The following ERICH3 variants were observed in gnomAD, a reference collection of about 807,000 sequenced individuals.
The protein encoded by ERICH3 is glutamate-rich protein 3.
ERICH3 carries 126 observed loss-of-function variants against 131.1 expected under a neutral mutation model. That is an observed-to-expected ratio of 0.96 (90% confidence interval 0.83 to 1.11). ERICH3 has a LOEUF of 1.11. Among genes scored for constraint, ERICH3 ranks in the 50% most tolerant of loss-of-function variants. The pLI is 0.00. For synonymous variants in ERICH3, 695 were observed against 644.6 expected, an observed-to-expected ratio of 1.08 and a Z score of -1.18; for missense variants, 2,050 against 1,810.7, an observed-to-expected ratio of 1.13 and a Z score of -2.40.
At chr1:74,626,964 C>A (rs1460491600) in intron 7 of ERICH3, among the ~76,000 whole-genome samples, 2 of 152,116 alleles carry the variant, frequency 1.3e-5, no homozygotes, top group East Asian at 3.8e-4. Flanking sequence ...TTTACTCTTT[C>A]TTTCCTTTTT....
chr1:74,610,570 A>T (rs1339875495), intron 9 of ERICH3, among the ~76,000 whole-genome samples: 1 of 151,544 alleles, frequency 6.6e-6, no homozygotes, highest in Admixed American at 6.6e-5. Flanking sequence ...AAAGTATTCA[A>T]TCGTTTGTAT....
intron 13 of ERICH3, among the ~76,000 whole-genome samples, chr1:74,574,779 T>A (rs1468064291): frequency 6.6e-6 from 1 of 152,212 alleles, no homozygotes; most frequent in African/African-American, 2.4e-5. Flanking sequence ...TATATATATG[T>A]TGCAAGTAAA....
chr1:74,612,559 T>A, intron 9 of ERICH3, 64 bp downstream of exon 9: 1 of 1,360,772 alleles, frequency 7.3e-7, no homozygotes, highest in Non-Finnish European at 1.0e-6. Flanking sequence ...AATGCATTAG[T>A]AAAGGCATTC....
Position 74,571,310 on chromosome 1 carries a change from T to C in ERICH3, c.4400A>G (p.Glu1467Gly). The change falls in exon 14 of 15, where the codon GAG becomes GGG. Residue 1467 changes from glutamate (E) to glycine (G), a missense_variant. Coordinates refer to ENST00000326665, the MANE Select transcript of ERICH3 (RefSeq NM_001002912.5). ...TCGGAATTTTTCAGCTGCTCCTGTC[T>C]CCTGCCTCCCATCGCCACTCCCAGT... is the stretch of plus-strand genomic sequence containing the variant. ...AATGSGDGRQETGAAEKFRLG... is the reference protein window; with the variant it reads ...AATGSGDGRQGTGAAEKFRLG... The C allele has an allele frequency of 6.2e-7, 1 of 1,614,080 alleles. No homozygotes were observed.
chr1:74,573,357 C>G lies in ERICH3; in HGVS notation c.2353G>C (p.Asp785His), dbSNP rs141664946. The G allele has an allele frequency of 6.2e-7, 1 of 1,611,718 alleles. No homozygotes were observed. The highest frequency in any genetic ancestry group is 8.5e-7 in the Non-Finnish European group (1 of 1,179,212). Residue 785 changes from aspartate to histidine, a missense_variant, in exon 14 of 15, where the codon GAT becomes CAT. Transcript: ENST00000326665. ...MEEDEAPQHR[D>H]ADIVQGKGEA... Reference sequence around the variant, plus strand: ...CCTTTTCCCTGTACTATGTCAGCATCTCTGTGCTGGGGCGCTTCATCTTCC... The same window carrying G: ...CCTTTTCCCTGTACTATGTCAGCATGTCTGTGCTGGGGCGCTTCATCTTCC...
intron 13 of ERICH3, among the ~76,000 whole-genome samples, chr1:74,574,641 T>A (rs1647018774): frequency 6.6e-6 from 1 of 152,180 alleles, no homozygotes; most frequent in South Asian, 2.1e-4. Flanking sequence ...CTTCTTAGAG[T>A]ACAAGTGTTC....
intron 12 of ERICH3, among the ~76,000 whole-genome samples, chr1:74,577,956 G>A (rs369049063): frequency 3.3e-5 from 5 of 152,154 alleles, no homozygotes; most frequent in African/African-American, 1.2e-4. Flanking sequence ...TTCACTCCAT[G>A]GGGACAGAAG....
chr1:74,654,226 T>C (rs1646562848), intron 1 of ERICH3, among the ~76,000 whole-genome samples: 1 of 152,128 alleles, frequency 6.6e-6, no homozygotes, highest in African/African-American at 2.4e-5. Context: ...AGGCTTTTTC[T>C]AGCATGCACC....
intron 9 of ERICH3, among the ~76,000 whole-genome samples, chr1:74,608,117 T>C (rs575927935): frequency 6.6e-6 from 1 of 152,094 alleles, no homozygotes; most frequent in African/African-American, 2.4e-5. Flanking sequence ...TATTAGTCTA[T>C]TACAGGTGTA....
chr1:74,608,889 G>T (rs898214569), intron 9 of ERICH3, among the ~76,000 whole-genome samples: 1 of 152,124 alleles, frequency 6.6e-6, no homozygotes, highest in African/African-American at 2.4e-5. Context: ...TTGATTTGGA[G>T]CCTCTGATAT....
At chr1:74,643,161 G>T (rs1646451425) in intron 3 of ERICH3, 63 bp from the exon 4 acceptor site, 1 of 1,273,836 alleles carries the variant, frequency 7.9e-7, no homozygotes, top group Non-Finnish European at 1.1e-6. Context: ...CCAGTTTAGA[G>T]GAAAATAATT....
chr1:74,617,419 T>G (rs1372472928), intron 8 of ERICH3, among the ~76,000 whole-genome samples: 4 of 152,206 alleles, frequency 2.6e-5, no homozygotes, highest in African/African-American at 9.6e-5. Flanking sequence ...TTTATGTTCA[T>G]AGTCCCAAAC....
rs973660237 is a variant in ERICH3 at position 74,673,726 on chromosome 1, C to A, written c.-207G>T. 2 of 435,800 alleles carry A rather than the reference C, an allele frequency of 4.6e-6. No homozygotes were observed. The highest frequency in any genetic ancestry group is 2.1e-5 in the African/African-American group (1 of 48,026). The allele number at this position is 435,800 out of a possible 1,614,324, so 27.0% of individuals were successfully genotyped here. On this transcript the variant is annotated 5_prime_UTR_variant, in exon 1 of 15. Coordinates refer to ENST00000326665, the MANE Select transcript of ERICH3 (RefSeq NM_001002912.5). ...GGCTCCCACCCTCCGTTGGTATCCA[C>A]AGCTTCCCTGTTGCTAAGGGAGGAG...
intron 5 of ERICH3, among the ~76,000 whole-genome samples, chr1:74,640,253 G>A (rs1420495352): frequency 6.6e-6 from 1 of 152,098 alleles, no homozygotes; most frequent in Non-Finnish European, 1.5e-5. Context: ...CTCAGGTTAA[G>A]CTTTTGAGAG....
At chr1:74,580,033 G>T in intron 12 of ERICH3, 1 of 396,482 alleles carries the variant, frequency 2.5e-6, no homozygotes, top group Non-Finnish European at 3.4e-6. Context: ...TAAATAATAT[G>T]TATTGTATTT....
intron 1 of ERICH3, among the ~76,000 whole-genome samples, chr1:74,660,271 T>C (rs1224950047): frequency 6.6e-6 from 1 of 152,108 alleles, no homozygotes; most frequent in Non-Finnish European, 1.5e-5. Context: ...TTCTTTCCTT[T>C]GTAAATTACC....
chr1:74,593,623 T>C (rs1361563414), intron 11 of ERICH3, among the ~76,000 whole-genome samples: 1 of 152,152 alleles, frequency 6.6e-6, no homozygotes, highest in Non-Finnish European at 1.5e-5. Context: ...TTTCTTGTGA[T>C]ATTGAGTGAT....
intron 1 of ERICH3, among the ~76,000 whole-genome samples, chr1:74,657,834 C>G (rs1285483937): frequency 6.6e-6 from 1 of 152,018 alleles, no homozygotes; most frequent in Non-Finnish European, 1.5e-5. Context: ...GAATTCTTCT[C>G]TTTATAATGT....
In ERICH3 at chr1:74,589,933, T is replaced by C. The variant is rs1270125632; in HGVS notation, c.1874A>G (p.Glu625Gly). 6.2e-7 allele frequency: 1 copy of C among 1,614,090 alleles called. No homozygotes were observed. The highest frequency in any genetic ancestry group is 8.5e-7 in the Non-Finnish European group (1 of 1,179,976). The change falls in exon 12 of 15, where the codon GAA becomes GGA. Residue 625 changes from glutamate (E) to glycine (G), a missense_variant. By Grantham distance (98) the Glu-to-Gly change is moderately conservative (BLOSUM62 -2). Transcript: ENST00000326665. ...GTGAGACTTTCTTGGCTTATCATTT[T>C]CACTCAGTTCCTGAGAAGATGACCT... is the stretch of plus-strand genomic sequence containing the variant. ...ARRSSSQELS[E>G]NDKPRKSHLP...
Sources: allele counts gnomAD v4.1 joint callset (sites outside exome capture counted in the v4.1 genomes callset), GRCh38; gene constraint gnomAD v4.1.1; transcripts MANE v1.5; gene names NCBI Gene and HGNC (gene_info 2026-07-23, HGNC 2026-07-21).